Variants in TSNARE1 observed in about 807,000 individuals in gnomAD.
TSNARE1 encodes t-SNARE domain containing 1, also known as t-SNARE domain-containing protein 1.
Under a neutral mutation model 62.0 loss-of-function variants are expected in TSNARE1, and 49 were observed. That is an observed-to-expected ratio of 0.79 (90% CI 0.63 to 1.00). TSNARE1 has a LOEUF of 1.00. TSNARE1 is among the 50% of genes least tolerant of loss of function. The pLI, the probability that TSNARE1 is intolerant of heterozygous loss-of-function variation, is 0.00. For synonymous variants in TSNARE1, 328 were observed against 294.4 expected (o/e 1.11, Z -1.17); for missense variants, 755 against 700.1 (o/e 1.08, Z -0.88).
chr8:142,316,971 A>G (rs1213753844), intron 7 of TSNARE1, among the ~76,000 whole-genome samples: 1 of 151,946 alleles, frequency 6.6e-6, no homozygotes, highest in Non-Finnish European at 1.5e-5. Flanking sequence ...CTCCCAAGGC[A>G]GTGAGAGCAA....
chr8:142,317,845 G>A (rs564082672), intron 7 of TSNARE1, among the ~76,000 whole-genome samples: 2 of 152,236 alleles, frequency 1.3e-5, no homozygotes, highest in South Asian at 4.1e-4. Flanking sequence ...GTAATCTCAG[G>A]TACTCAGGAG....
chr8:142,273,771 C>T lies in TSNARE1; in HGVS notation c.1446+1010G>A, dbSNP rs1819977358. ...CCTGGCCTTTCCCTCATTCTCCACCCAGTCAGGCCCCTGCGTGGTTCCAGC... is the reference window on the plus strand; with the variant it reads ...CCTGGCCTTTCCCTCATTCTCCACCTAGTCAGGCCCCTGCGTGGTTCCAGC... On this transcript the variant is annotated intron_variant, in intron 12 of 13. Coordinates refer to ENST00000524325, the MANE Select transcript of TSNARE1 (RefSeq NM_145003.5). The T allele has an allele frequency of 7.1e-6, 7 of 985,316 alleles. No homozygotes were observed. The South Asian group carries it at 2.3e-4, about 33-fold the overall frequency. 61.0% of individuals were successfully genotyped at this position (985,316 alleles called of 1,614,324 possible). A position where few individuals can be genotyped will look rare whatever the true frequency, so the allele number is the denominator to read the frequency against.
intron 13 of TSNARE1, among the ~76,000 whole-genome samples, chr8:142,226,475 G>A (rs181368331): frequency 1.0e-3 from 158 of 152,250 alleles, no homozygotes; most frequent in South Asian, 1.2e-3. Context: ...TTGTTCTTCC[G>A]TGGATCCTCT....
At chr8:142,338,533 G>T (rs536669595) in intron 4 of TSNARE1, among the ~76,000 whole-genome samples, 1 of 152,220 alleles carries the variant, frequency 6.6e-6, no homozygotes, top group East Asian at 1.9e-4. Context: ...CAAGCTGACA[G>T]GCTGCCTGGA....
At chr8:142,344,518 G>T in intron 3 of TSNARE1, 46 bp from the exon 4 acceptor site, 1 of 1,442,986 alleles carries the variant, frequency 6.9e-7, no homozygotes, top group South Asian at 1.4e-5. Flanking sequence ...TGGGCCTGTG[G>T]AGGCAGCGGC....
chr8:142,388,418 G>A (rs1360508838), intron 1 of TSNARE1, among the ~76,000 whole-genome samples: 1 of 146,266 alleles, frequency 6.8e-6, no homozygotes, highest in Non-Finnish European at 1.5e-5. Flanking sequence ...AGAAACTAGA[G>A]TATAAAATTG....
chr8:142,271,444 T>G, intron 12 of TSNARE1: 1 of 1,257,444 alleles, frequency 8.0e-7, no homozygotes, highest in Non-Finnish European at 1.0e-6. Flanking sequence ...ACGTTTCAGA[T>G]GCTGCCGCTG....
intron 12 of TSNARE1, among the ~76,000 whole-genome samples, chr8:142,238,111 C>A (rs1586818501): frequency 6.6e-6 from 1 of 152,036 alleles, no homozygotes; most frequent in South Asian, 2.1e-4. Context: ...GCGTTACCCG[C>A]CCCCCCTCCA....
At chr8:142,362,634 C>G in intron 1 of TSNARE1, among the ~76,000 whole-genome samples, 1 of 152,178 alleles carries the variant, frequency 6.6e-6, no homozygotes, top group Admixed American at 6.5e-5. Context: ...AGATCACCCC[C>G]AGATACGGCA....
chr8:142,357,363 G>A (rs917405969), intron 1 of TSNARE1, among the ~76,000 whole-genome samples: 1 of 152,234 alleles, frequency 6.6e-6, no homozygotes, highest in Non-Finnish European at 1.5e-5. Context: ...GCTCAAGGGG[G>A]CTCTGAGCAC....
At chr8:142,322,615 G>C (rs1385574138) in intron 6 of TSNARE1, among the ~76,000 whole-genome samples, 1 of 152,250 alleles carries the variant, frequency 6.6e-6, no homozygotes, top group Non-Finnish European at 1.5e-5. Context: ...TATTTCTATG[G>C]AGTTGCAGCC....
At chr8:142,243,957 G>A (rs1234381020) in intron 12 of TSNARE1, among the ~76,000 whole-genome samples, 1 of 152,222 alleles carries the variant, frequency 6.6e-6, no homozygotes, top group East Asian at 1.9e-4. Context: ...GGAGGCCGAG[G>A]CAGGCGGATC....
intron 12 of TSNARE1, chr8:142,270,726 A>C: frequency 2.0e-6 from 2 of 985,328 alleles, no homozygotes; most frequent in Non-Finnish European, 2.4e-6. Context: ...GGGGCCCCTC[A>C]GTGCATCTTC....
At chr8:142,316,953 C>T (rs905748368) in intron 7 of TSNARE1, among the ~76,000 whole-genome samples, 1 of 151,950 alleles carries the variant, frequency 6.6e-6, no homozygotes, top group African/African-American at 2.4e-5. Context: ...GAACTTGCAA[C>T]CCCAGCCCTC....
chr8:142,396,405 CCT>C (rs1255074019), intron 1 of TSNARE1, among the ~76,000 whole-genome samples: 1 of 152,144 alleles, frequency 6.6e-6, no homozygotes, highest in Non-Finnish European at 1.5e-5. Flanking sequence ...GCCCACCTCC[CCT>C]CTCCATCAGA....
At chr8:142,297,269 C>T (rs575803783) in intron 10 of TSNARE1, among the ~76,000 whole-genome samples, 4 of 152,288 alleles carry the variant, frequency 2.6e-5, no homozygotes, top group African/African-American at 9.6e-5. Context: ...AACACAACCC[C>T]GATCTGCACC....
rs570774827 is a variant in TSNARE1 at position 142,350,002 on chromosome 8, G to T, written c.89-4110C>A. 1.8e-4 allele frequency among the ~76,000 whole-genome samples: 26 copies of T among 141,480 alleles called. No homozygotes were observed. In the East Asian group the frequency reaches 5.2e-3, roughly 28 times the overall value. The allele number at this position is 141,480 out of a possible 152,430, so 92.8% of individuals were successfully genotyped here. ...CAAGGCTGGGACCAGGGCAGGCAGG[G>T]CGGGCAAGGCTGGGACCAGGGCAGG... On this transcript the variant is annotated intron_variant, in intron 2 of 13. Coordinates refer to ENST00000524325, the MANE Select transcript of TSNARE1 (RefSeq NM_145003.5).
chr8:142,392,120 T>C (rs1016541745), intron 1 of TSNARE1, among the ~76,000 whole-genome samples: 8 of 152,150 alleles, frequency 5.3e-5, no homozygotes, highest in Admixed American at 1.3e-4. Flanking sequence ...GTCTCCCAGG[T>C]TCAAGTGATT....
intron 12 of TSNARE1, among the ~76,000 whole-genome samples, chr8:142,239,250 G>C (rs928024298): frequency 6.6e-6 from 1 of 152,210 alleles, no homozygotes; most frequent in African/African-American, 2.4e-5. Flanking sequence ...GCTTCCCAGA[G>C]CAGACACCCC....
Sources: allele counts gnomAD v4.1 joint callset (sites outside exome capture counted in the v4.1 genomes callset), GRCh38; gene constraint gnomAD v4.1.1; transcripts MANE v1.5; gene names NCBI Gene and HGNC (gene_info 2026-07-23, HGNC 2026-07-21).